The following CHST11 variants were observed in gnomAD, a reference collection of about 807,000 sequenced individuals.
CHST11 encodes carbohydrate sulfotransferase 11, also known as C4S-1.
In CHST11, 9 loss-of-function variants were observed where a neutral mutation model predicts 30.4. That is an observed-to-expected ratio of 0.30 (90% CI 0.18 to 0.52). The LOEUF (loss-of-function observed/expected upper bound fraction) is 0.52. Among genes scored for constraint, CHST11 ranks in the 20% least tolerant of loss-of-function variants. The pLI, the probability that CHST11 is intolerant of heterozygous loss-of-function variation, is 0.97. For missense variants in CHST11, 348 were observed against 460.6 expected (o/e 0.76, Z 2.24); for synonymous variants, 152 against 187.8 (o/e 0.81, Z 1.56).
intron 2 of CHST11, among the ~76,000 whole-genome samples, chr12:104,608,943 T>C (rs1308533292): frequency 6.6e-6 from 1 of 152,238 alleles, no homozygotes; most frequent in Non-Finnish European, 1.5e-5. Context: ...CTTGAGCCAC[T>C]TCTGTCTTGA....
At chr12:104,516,330 C>T (rs189753497) in intron 1 of CHST11, among the ~76,000 whole-genome samples, 31 of 152,314 alleles carry the variant, frequency 2.0e-4, no homozygotes, top group Middle Eastern at 3.4e-3. Context: ...GCAGAGAGCA[C>T]GGTGTCTGTT....
intron 1 of CHST11, among the ~76,000 whole-genome samples, chr12:104,549,736 G>T (rs747073363): frequency 6.6e-6 from 1 of 152,020 alleles, no homozygotes; most frequent in Non-Finnish European, 1.5e-5. Flanking sequence ...AGAGAGCCCC[G>T]CCACTCAAAA....
intron 2 of CHST11, among the ~76,000 whole-genome samples, chr12:104,618,207 T>G (rs1268293546): frequency 2.7e-5 from 4 of 148,784 alleles, no homozygotes; most frequent in Admixed American, 6.7e-5. Context: ...GTGCCTGGCT[T>G]CTTCTTCTTT....
rs566559910 is a variant in CHST11, at chr12:104,627,186, A to G, written c.204+25195A>G. Among the ~76,000 whole-genome samples, 5 of 152,168 alleles carry G rather than the reference A, an allele frequency of 3.3e-5. No individual in the cohort carries two copies. The East Asian group carries it at 9.7e-4, about 29-fold the overall frequency. On this transcript the variant is annotated intron_variant, in intron 2 of 2. Transcript: ENST00000303694. ...ATGGCTTGATGGCTCGTTTCTTTTTAGTACTGAATATTCCATTGTCTGGAT... is the reference window on the plus strand; with the variant it reads ...ATGGCTTGATGGCTCGTTTCTTTTTGGTACTGAATATTCCATTGTCTGGAT...
chr12:104,627,504 A>G (rs2039227484), intron 2 of CHST11, among the ~76,000 whole-genome samples: 1 of 152,206 alleles, frequency 6.6e-6, no homozygotes, highest in East Asian at 1.9e-4. Context: ...TACTCTCCCC[A>G]GAGTCAGACC....
Position 104,457,528 on chromosome 12 carries a change from A to T in CHST11, c.117A>T (p.Pro39=), listed in dbSNP as rs199841966. 25 of 1,599,296 alleles carry T rather than the reference A, an allele frequency of 1.6e-5. No individual in the cohort carries two copies. Among genetic ancestry groups the T allele is most frequent in the Non-Finnish European group, 2.1e-5 (24 of 1,166,606 alleles). The change falls in exon 1 of 3, where the codon CCA becomes CCT. Residue 39 remains proline, a splice_region_variant and synonymous_variant. Coordinates refer to ENST00000303694, the MANE Select transcript of CHST11 (RefSeq NM_018413.6). The part of the protein sequence containing the change: ...VIFYFQSMLH[P]VMRRNPFGVD... ...TCTATTTCCAAAGTATGTTGCACCC[A>T]GGTAGGGGGCGCGTTAGCGTGGTTT...
intron 2 of CHST11, among the ~76,000 whole-genome samples, chr12:104,740,862 G>C (rs1031851687): frequency 3.3e-5 from 5 of 152,240 alleles, no homozygotes; most frequent in Non-Finnish European, 7.3e-5. Flanking sequence ...GTGAACAGCA[G>C]ATGGATGGAT....
Position 104,757,503 on chromosome 12 carries a change from G to A in CHST11, c.759G>A (p.Glu253=). ...YLIDPHTQRE[E]PFNEHWQTVY... ...TCGACCCACACACCCAGCGGGAGGA[G>A]CCTTTCAACGAACACTGGCAAACCG... Residue 253 remains glutamate, a synonymous_variant, in exon 3 of 3, where the codon GAG becomes GAA. Coordinates refer to ENST00000303694, the MANE Select transcript of CHST11 (RefSeq NM_018413.6). The surrounding 1 kb of genome is among the most constrained non-coding windows in gnomAD (Gnocchi z 6.5). 6.2e-7 allele frequency: 1 copy of A among 1,614,124 alleles called. No homozygotes were observed. The highest frequency in any genetic ancestry group is 8.5e-7 in the Non-Finnish European group (1 of 1,180,030).
chr12:104,608,363 T>A (rs1179608601), intron 2 of CHST11, among the ~76,000 whole-genome samples: 1 of 152,104 alleles, frequency 6.6e-6, no homozygotes, highest in Non-Finnish European at 1.5e-5. Context: ...TAACTCCCCA[T>A]CTTCCTGCAC....
intron 2 of CHST11, among the ~76,000 whole-genome samples, chr12:104,686,092 G>T (rs1030379280): frequency 6.6e-6 from 1 of 151,982 alleles, no homozygotes; most frequent in Non-Finnish European, 1.5e-5. Flanking sequence ...AATTAGCTGG[G>T]CATGGTGGTG....
intron 2 of CHST11, among the ~76,000 whole-genome samples, chr12:104,752,314 T>C (rs1338486742): frequency 1.3e-5 from 2 of 152,156 alleles, no homozygotes; most frequent in Non-Finnish European, 2.9e-5. Flanking sequence ...ACACCACCCA[T>C]TGGGTCAGGG....
At chr12:104,742,829 C>T (rs117032211) in intron 2 of CHST11, among the ~76,000 whole-genome samples, 165 of 152,338 alleles carry the variant, frequency 1.1e-3, no homozygotes, top group South Asian at 2.3e-3. Flanking sequence ...CCTCACCAGA[C>T]GGGTGGAAAG....
intron 1 of CHST11, among the ~76,000 whole-genome samples, chr12:104,572,188 G>A (rs1398827462): frequency 6.6e-6 from 1 of 151,714 alleles, no homozygotes; most frequent in African/African-American, 2.4e-5. Flanking sequence ...TTTTTGTTGT[G>A]TCTCTGCCAG....
chr12:104,477,828 A>C (rs2037578228), intron 1 of CHST11, among the ~76,000 whole-genome samples: 1 of 152,228 alleles, frequency 6.6e-6, no homozygotes, highest in African/African-American at 2.4e-5. Context: ...CTGAAAGGAA[A>C]ATGAACAATT....
intron 1 of CHST11, among the ~76,000 whole-genome samples, chr12:104,476,134 T>C (rs10861221): frequency 0.13 from 18,954 of 144,122 alleles, 1,408 homozygotes; most frequent in South Asian, 0.19. Flanking sequence ...TAATATAATA[T>C]ATTATATATT....
intron 2 of CHST11, among the ~76,000 whole-genome samples, chr12:104,631,748 G>T (rs1253961294): frequency 6.6e-6 from 1 of 152,180 alleles, no homozygotes; most frequent in Non-Finnish European, 1.5e-5. Flanking sequence ...AAGGCCCCTT[G>T]TTAAAAAATG....
intron 1 of CHST11, among the ~76,000 whole-genome samples, chr12:104,554,431 G>A (rs1235301107): frequency 3.3e-5 from 5 of 152,208 alleles, no homozygotes; most frequent in Non-Finnish European, 7.3e-5. Flanking sequence ...TTTGAAATGA[G>A]GGTAAGACAG....
intron 1 of CHST11, among the ~76,000 whole-genome samples, chr12:104,472,823 A>G (rs2037524009): frequency 6.6e-6 from 1 of 151,778 alleles, no homozygotes; most frequent in Non-Finnish European, 1.5e-5. Flanking sequence ...GTGGAAGGAA[A>G]CCTTCCAGGG....
chr12:104,552,609 C>G (rs986169988), intron 1 of CHST11: 1 of 152,154 alleles, frequency 6.6e-6, no homozygotes, highest in African/African-American at 2.4e-5. Flanking sequence ...CCCAGACTTC[C>G]TCTAGATCTT....
Sources: gnomAD v4.1 joint callset for allele counts (sites outside exome capture counted in the v4.1 genomes callset) on GRCh38, gnomAD v4.1.1 for gene constraint, Gnocchi (gnomAD v3.1) non-coding constraint, MANE v1.5 for transcripts, NCBI Gene and HGNC (gene_info 2026-07-23, HGNC 2026-07-21) for gene names.